PHACTR3: variants seen among roughly 807,000 people sequenced by gnomAD.
PHACTR3 encodes phosphatase and actin regulator 3, also known as protein phosphatase 1, regulatory subunit 123.
A neutral mutation model predicts 66.8 loss-of-function variants in PHACTR3; 16 were observed. The ratio of observed to expected loss-of-function variants is 0.24; its 90% CI spans 0.16 to 0.36. PHACTR3 has a LOEUF of 0.36. PHACTR3 is among the 10% of genes least tolerant of loss of function. The pLI, the probability that PHACTR3 is intolerant of heterozygous loss-of-function variation, is 1.00. For synonymous variants in PHACTR3, 323 were observed against 292.1 expected (o/e 1.11, Z -1.08); for missense variants, 647 against 719.9 (o/e 0.90, Z 1.16).
intron 8 of PHACTR3, among the ~76,000 whole-genome samples, chr20:59,815,715 G>A (rs2041869096): frequency 6.6e-6 from 1 of 152,156 alleles, no homozygotes; most frequent in Non-Finnish European, 1.5e-5. Context: ...AAGCCACCAC[G>A]CCTGGCTTGG....
chr20:59,766,530 G>A (rs913624506), intron 4 of PHACTR3, among the ~76,000 whole-genome samples: 4 of 152,154 alleles, frequency 2.6e-5, no homozygotes, highest in African/African-American at 9.7e-5. Context: ...CAGGCTGAGG[G>A]GTGGTTGTGA....
intron 1 of PHACTR3, among the ~76,000 whole-genome samples, chr20:59,698,797 G>C (rs1331718996): frequency 6.6e-6 from 1 of 152,126 alleles, no homozygotes; most frequent in Non-Finnish European, 1.5e-5. Context: ...ACTCTCCATG[G>C]TACTAGTTCT....
At chr20:59,827,640 G>A (rs950519750) in intron 8 of PHACTR3, among the ~76,000 whole-genome samples, 1 of 152,132 alleles carries the variant, frequency 6.6e-6, no homozygotes, top group African/African-American at 2.4e-5. Flanking sequence ...TGGAGAGTCT[G>A]GGAGGCCAAC....
intron 3 of PHACTR3, among the ~76,000 whole-genome samples, chr20:59,752,694 C>A (rs1203725569): frequency 6.9e-6 from 1 of 145,410 alleles, no homozygotes; most frequent in East Asian, 2.0e-4. Flanking sequence ...TTTATAGTGG[C>A]AGTTGTGATG....
chr20:59,769,048 G>C (rs2040279699), intron 5 of PHACTR3, among the ~76,000 whole-genome samples: 1 of 152,196 alleles, frequency 6.6e-6, no homozygotes. Context: ...CTGAGACTTG[G>C]CCCCAGCTGT....
intron 7 of PHACTR3, among the ~76,000 whole-genome samples, chr20:59,789,351 G>A (rs1025245240): frequency 1.2e-4 from 18 of 152,222 alleles, no homozygotes; most frequent in African/African-American, 4.1e-4. Flanking sequence ...CCTGGGCTAT[G>A]CCTATATGCA....
At chr20:59,674,368 TCTC>T (rs2036304177) in intron 1 of PHACTR3, among the ~76,000 whole-genome samples, 1 of 143,108 alleles carries the variant, frequency 7.0e-6, no homozygotes, top group African/African-American at 2.8e-5. Context: ...CTCTTCCCCT[TCTC>T]CTGTTCCTTC....
chr20:59,768,858 CGGA>C (rs768425278), intron 5 of PHACTR3, among the ~76,000 whole-genome samples: 2 of 152,192 alleles, frequency 1.3e-5, no homozygotes, highest in Non-Finnish European at 2.9e-5. Context: ...ACCACAGAAA[CGGA>C]GGAGGTGAGA....
chr20:59,833,138 TG>T (rs2042433920), intron 8 of PHACTR3, among the ~76,000 whole-genome samples: 1 of 152,206 alleles, frequency 6.6e-6, no homozygotes, highest in African/African-American at 2.4e-5. Context: ...AGCACCCTTT[TG>T]CTCTGTTTAC....
chr20:59,581,708 C>A (rs1048130724), intron 1 of PHACTR3, among the ~76,000 whole-genome samples: 1 of 145,940 alleles, frequency 6.9e-6, no homozygotes. Context: ...GGTGAAATCC[C>A]GTCTCTACTA....
At chr20:59,737,228 C>T (rs1377261196) in intron 1 of PHACTR3, among the ~76,000 whole-genome samples, 1 of 152,158 alleles carries the variant, frequency 6.6e-6, no homozygotes, top group Non-Finnish European at 1.5e-5. Flanking sequence ...CAGTGCTGAC[C>T]CTGTCACAGT....
chr20:59,694,590 A>G (rs954424887), intron 1 of PHACTR3, among the ~76,000 whole-genome samples: 1 of 152,092 alleles, frequency 6.6e-6, no homozygotes, highest in African/African-American at 2.4e-5. Context: ...GATATAAGGA[A>G]TTTAAATTAT....
intron 7 of PHACTR3, among the ~76,000 whole-genome samples, chr20:59,785,881 ATTTTGTTT>A (rs1244468969): frequency 2.3e-3 from 26 of 11,074 alleles, no homozygotes; most frequent in Middle Eastern, 0.062. Context: ...CCCCTACTTC[ATTTTGTTT>A]TCCAACGGCC....
chr20:59,625,270 C>G (rs753286752), intron 1 of PHACTR3, among the ~76,000 whole-genome samples: 14 of 151,920 alleles, frequency 9.2e-5, no homozygotes, highest in Non-Finnish European at 1.9e-4. Context: ...GAGGCAGGCC[C>G]CATTCCTGTT....
At chr20:59,589,078 T>C (rs759159079) in intron 1 of PHACTR3, among the ~76,000 whole-genome samples, 1 of 152,142 alleles carries the variant, frequency 6.6e-6, no homozygotes, top group Non-Finnish European at 1.5e-5. Flanking sequence ...AAAGTAGCAA[T>C]TGAAAAGAAC....
At chr20:59,600,051 T>G (rs1444287060), upstream of PHACTR3, among the ~76,000 whole-genome samples, 3 of 152,202 alleles carry the variant, frequency 2.0e-5, no homozygotes, top group Non-Finnish European at 4.4e-5. Flanking sequence ...ATCCCCTCTT[T>G]GTGGCTGCAG....
chr20:59,661,180 A>T (rs1359372547), intron 1 of PHACTR3, among the ~76,000 whole-genome samples: 1 of 152,202 alleles, frequency 6.6e-6, no homozygotes, highest in African/African-American at 2.4e-5. Flanking sequence ...GGGTACCGTG[A>T]CTTTGTTCTG....
chr20:59,825,527 G>T (rs2042165306), intron 8 of PHACTR3, among the ~76,000 whole-genome samples: 1 of 152,122 alleles, frequency 6.6e-6, no homozygotes, highest in Admixed American at 6.5e-5. Flanking sequence ...ACAGCATTGG[G>T]TACTACTGAT....
intron 1 of PHACTR3, among the ~76,000 whole-genome samples, chr20:59,735,764 T>C (rs1157217857): frequency 6.6e-6 from 1 of 152,150 alleles, no homozygotes; most frequent in Non-Finnish European, 1.5e-5. Flanking sequence ...CTCATTGTCA[T>C]GGAGCTTATG....
Sources: allele counts gnomAD v4.1 joint callset (sites outside exome capture counted in the v4.1 genomes callset), GRCh38; gene constraint gnomAD v4.1.1; transcripts MANE v1.5; gene names NCBI Gene and HGNC (gene_info 2026-07-23, HGNC 2026-07-21).